The following ABR variants were observed in gnomAD, a reference collection of about 807,000 sequenced individuals.
ABR encodes active breakpoint cluster region-related protein.
In ABR, 35 loss-of-function variants were observed where a neutral mutation model predicts 107.2. The observed-to-expected ratio is 0.33, with a 90% CI of 0.25 to 0.43. ABR has a LOEUF of 0.43. ABR is among the 20% of genes least tolerant of loss of function. ABR has a pLI of 1.00. For missense variants in ABR, 815 were observed against 1,115.2 expected, an observed-to-expected ratio of 0.73 and a Z score of 3.83; for synonymous variants, 498 against 462.0, an observed-to-expected ratio of 1.08 and a Z score of -1.00.
At position 1,051,977 on chromosome 17, in the gene ABR, G is replaced by A. The variant is rs1235979768; in HGVS notation, c.1562-1343C>T. On this transcript the variant is annotated intron_variant, in intron 14 of 22. Coordinates refer to ENST00000302538, the MANE Select transcript of ABR (RefSeq NM_021962.5). The surrounding 1 kb of genome is among the most constrained non-coding windows in gnomAD (Gnocchi z 4.3). ...TAGTCCCAGCTACTCGGGAGGCTGA[G>A]GCAGGACAATCGCTTGAACCTGGGG... Among the ~76,000 whole-genome samples, 1 of 152,136 alleles carries A rather than the reference G, an allele frequency of 6.6e-6. No homozygotes were observed. Among genetic ancestry groups the A allele is most frequent in the Non-Finnish European group, 1.5e-5 (1 of 68,008 alleles).
At chr17:1,095,197 C>T (rs1022074371) in intron 3 of ABR, among the ~76,000 whole-genome samples, 1 of 152,182 alleles carries the variant, frequency 6.6e-6, no homozygotes, top group Non-Finnish European at 1.5e-5. Flanking sequence ...GAAGCCGCGA[C>T]GCGCTCATCT....
In ABR at chr17:1,029,884, C is replaced by A. The variant is rs7221987; in HGVS notation, c.1792-16720G>T. On this transcript the variant is annotated intron_variant, in intron 16 of 22. Coordinates refer to ENST00000302538, the MANE Select transcript of ABR (RefSeq NM_021962.5). ...ACCACAGCGCTGACCCCTGCGTCCACGACACGGACACACTGTGGCAGACGT... is the reference window on the plus strand; with the variant it reads ...ACCACAGCGCTGACCCCTGCGTCCAAGACACGGACACACTGTGGCAGACGT... Among the ~76,000 whole-genome samples the A allele has an allele frequency of 1.4e-4, 8 of 57,412 alleles. No individual in the cohort carries two copies. The South Asian group carries it at 4.0e-3, about 29-fold the overall frequency. 37.7% of individuals were successfully genotyped at this position (57,412 alleles called of 152,430 possible).
At chr17:1,091,329 G>A (rs1042554760) in intron 4 of ABR, among the ~76,000 whole-genome samples, 4 of 114,564 alleles carry the variant, frequency 3.5e-5, no homozygotes, top group African/African-American at 9.4e-5. Context: ...AGCACCCTCC[G>A]GGAGGGAGAA....
At chr17:1,033,311 G>A (rs542241546) in intron 16 of ABR, among the ~76,000 whole-genome samples, 100 of 152,328 alleles carry the variant, frequency 6.6e-4, no homozygotes, top group Non-Finnish European at 9.8e-4. Context: ...GCTGTCCTTC[G>A]TGGAAGGCTG....
chr17:1,172,287 C>T (rs145987196), intron 1 of ABR, among the ~76,000 whole-genome samples: 1,750 of 152,338 alleles, frequency 0.011, 30 homozygotes, highest in African/African-American at 0.039. Context: ...CTTCAGCCTC[C>T]ATACGGGGGT....
intron 1 of ABR, among the ~76,000 whole-genome samples, chr17:1,173,157 A>C (rs1196840579): frequency 1.9e-5 from 2 of 105,920 alleles, no homozygotes. Context: ...TCCACCCCCC[A>C]CACATCACCT....
rs369321976 is a variant in ABR, at chr17:1,013,193, G to C, written c.1792-29C>G. 1.7e-5 allele frequency: 27 copies of C among 1,610,982 alleles called. No homozygotes were observed. The South Asian group carries it at 2.9e-4, about 17-fold the overall frequency. ...CAGAGAGAGAATGTGGGTGAGAGAG[G>C]TGCCAGCTCGGAGGCCAAGCCAGAG... is the stretch of plus-strand genomic sequence containing the variant. On this transcript the variant is annotated intron_variant, in intron 16 of 22. Coordinates refer to ENST00000302538, the MANE Select transcript of ABR (RefSeq NM_021962.5).
upstream of ABR, among the ~76,000 whole-genome samples, chr17:1,191,562 G>T (rs927614251): frequency 6.6e-6 from 1 of 151,818 alleles, no homozygotes; most frequent in African/African-American, 2.4e-5. Context: ...CTCCATGTTG[G>T]TCAGGCTGGT....
At chr17:1,068,578 AG>A (rs1236686547) in intron 9 of ABR, among the ~76,000 whole-genome samples, 1 of 152,274 alleles carries the variant, frequency 6.6e-6, no homozygotes, top group African/African-American at 2.4e-5. Flanking sequence ...GGCACACTGC[AG>A]TTGATCACTA....
intron 2 of ABR, among the ~76,000 whole-genome samples, chr17:1,109,551 G>T (rs1017164528): frequency 2.0e-5 from 3 of 152,098 alleles, no homozygotes; most frequent in South Asian, 2.1e-4. Flanking sequence ...GGGCCGGGGT[G>T]GGGTGGAGCG....
intron 13 of ABR, 111 bp downstream of exon 13, chr17:1,056,887 G>A: frequency 1.4e-6 from 1 of 720,100 alleles, no homozygotes; most frequent in Non-Finnish European, 2.5e-6. Flanking sequence ...GCACAGCCGA[G>A]CAGGGATCAG....
upstream of ABR, among the ~76,000 whole-genome samples, chr17:1,184,620 T>G (rs1445137631): frequency 6.6e-6 from 1 of 151,622 alleles, no homozygotes; most frequent in Non-Finnish European, 1.5e-5. Flanking sequence ...CATTCAATAA[T>G]GCACATTGAA....
intron 1 of ABR, among the ~76,000 whole-genome samples, chr17:1,195,303 T>A (rs367722970): frequency 4.0e-5 from 4 of 99,234 alleles, no homozygotes; most frequent in East Asian, 5.6e-4. Flanking sequence ...TGAGACTGTC[T>A]CAAAAAAAAA....
In ABR at chr17:1,050,428, G is replaced by T. The variant is rs111310949; in HGVS notation, c.1659+109C>A. On this transcript the variant is annotated intron_variant, in intron 15 of 22. Transcript: ENST00000302538. This position sits in a 1 kb window ranked among gnomAD's most constrained non-coding sequence, Gnocchi z 4.6. ...AGCCAGAGGAGCAGGGAGCAGAAAG[G>T]GGGGTGCAGACATAGCTGGTCCAAC... 3 of 1,105,484 alleles carry T rather than the reference G, an allele frequency of 2.7e-6. No homozygotes were observed. The highest frequency in any genetic ancestry group is 2.4e-5 in the East Asian group (1 of 42,030). 68.5% of individuals were successfully genotyped at this position (1,105,484 alleles called of 1,614,324 possible).
chr17:1,006,689 G>A (rs1215905098), intron 22 of ABR, among the ~76,000 whole-genome samples: 1 of 152,184 alleles, frequency 6.6e-6, no homozygotes, highest in Non-Finnish European at 1.5e-5. Flanking sequence ...GAGGGAAGAG[G>A]TGTGGGGACT....
intron 2 of ABR, among the ~76,000 whole-genome samples, chr17:1,105,763 G>C (rs1342210846): frequency 6.6e-6 from 1 of 152,134 alleles, no homozygotes; most frequent in African/African-American, 2.4e-5. Flanking sequence ...GTGAGGGGGA[G>C]GCTGAGGTGG....
intron 16 of ABR, among the ~76,000 whole-genome samples, chr17:1,029,885 G>A (rs369035013): frequency 2.0e-5 from 3 of 151,290 alleles, no homozygotes; most frequent in African/African-American, 4.8e-5. Context: ...CTGCGTCCAC[G>A]ACACGGACAC....
In ABR at chr17:1,023,061, C is replaced by G. The variant is rs1399177353; in HGVS notation, c.1792-9897G>C. ...AGCCTCTGCCTGCCCCACGTCCGCT[C>G]CAGCGCCTCTGCCGGCCCCACGTCC... On this transcript the variant is annotated intron_variant, in intron 16 of 22. Transcript: ENST00000302538. 1.6e-3 allele frequency among the ~76,000 whole-genome samples: 208 copies of G among 133,038 alleles called. 12 individuals are homozygous for G. The East Asian group carries it at 0.021, about 13-fold the overall frequency. The allele number at this position is 133,038 out of a possible 152,430, so 87.3% of individuals were successfully genotyped here. A position where few individuals can be genotyped will look rare whatever the true frequency, so the allele number is the denominator to read the frequency against.
intron 1 of ABR, among the ~76,000 whole-genome samples, chr17:1,127,475 C>A (rs773779113): frequency 6.6e-6 from 1 of 152,094 alleles, no homozygotes; most frequent in Non-Finnish European, 1.5e-5. Context: ...AGAGGCACAG[C>A]GGCACCCAGC....
Sources: gnomAD v4.1 joint callset for allele counts (sites outside exome capture counted in the v4.1 genomes callset) on GRCh38, gnomAD v4.1.1 for gene constraint, Gnocchi (gnomAD v3.1) non-coding constraint, MANE v1.5 for transcripts, NCBI Gene and HGNC (gene_info 2026-07-23, HGNC 2026-07-21) for gene names.